DAB1: variants seen among roughly 807,000 people sequenced by gnomAD.
The protein encoded by DAB1 is DAB adaptor protein 1.
A neutral mutation model predicts 64.6 loss-of-function variants in DAB1; 15 were observed. The observed-to-expected ratio is 0.23, with a 90% CI of 0.16 to 0.36. The LOEUF (loss-of-function observed/expected upper bound fraction) is 0.36. Ranked by LOEUF, DAB1 falls within the 10% of genes least tolerant of loss-of-function variation. The probability of loss-of-function intolerance (pLI) is 1.00; values close to 1 mark genes in which losing one functional copy is unlikely to be tolerated. For synonymous variants in DAB1, 235 were observed against 251.9 expected (o/e 0.93, Z 0.64); for missense variants, 596 against 706.7 (o/e 0.84, Z 1.78).
At chr1:57,330,605 G>T (rs1676578804) in intron 1 of DAB1, among the ~76,000 whole-genome samples, 1 of 152,170 alleles carries the variant, frequency 6.6e-6, no homozygotes, top group South Asian at 2.1e-4. Context: ...TAAAATTTAG[G>T]ATTCTTGCAT....
chr1:57,065,635 C>T (rs1650830340), intron 8 of DAB1, among the ~76,000 whole-genome samples: 1 of 152,200 alleles, frequency 6.6e-6, no homozygotes, highest in African/African-American at 2.4e-5. Context: ...GGTCCTGGCT[C>T]TCATCTCTGC....
At chr1:57,560,017 C>T (rs552809686) in intron 7 of DAB1, among the ~76,000 whole-genome samples, 1 of 152,342 alleles carries the variant, frequency 6.6e-6, no homozygotes, top group Non-Finnish European at 1.5e-5. Context: ...CAAGTGATGA[C>T]TCCAATTGCA....
rs563334919 is a variant in DAB1 at position 57,795,549 on chromosome 1, C to CATCTTCATT, written n.551+88441_551+88449dup. 4.7e-3 allele frequency among the ~76,000 whole-genome samples: 713 copies of CATCTTCATT among 151,606 alleles called. 9 individuals are homozygous for CATCTTCATT. Among genetic ancestry groups the CATCTTCATT allele is most frequent in the African/African-American group, 0.017 (687 of 41,376 alleles). ...AGTGTAATTATTATACATTTTTCTACATCTTCATTTGTAGGATTCAGAGTA... is the reference window on the plus strand; with the variant it reads ...AGTGTAATTATTATACATTTTTCTACATCTTCATTATCTTCATTTGTAGGATTCAGAGTA... On this transcript the variant is annotated intron_variant and non_coding_transcript_variant, in intron 6 of 20. Transcript: ENST00000485760.
chr1:58,379,760 G>A (rs898782071), intron 3 of DAB1, among the ~76,000 whole-genome samples: 1 of 152,160 alleles, frequency 6.6e-6, no homozygotes, highest in African/African-American at 2.4e-5. Flanking sequence ...AAGTCAAGCT[G>A]GGATGAGTAC....
At position 57,357,733 on chromosome 1, in the gene DAB1, C is replaced by T. The variant is rs1278188773; in HGVS notation, c.-137+66197G>A. On this transcript the variant is annotated intron_variant, in intron 1 of 14. Transcript: ENST00000371236. ...CAATCATGGTGAAAGAGGAAGCAAA[C>T]ACATCCTTCTCACGTGGCGGCAGGA... is the stretch of plus-strand genomic sequence containing the variant. Among the ~76,000 whole-genome samples the T allele has an allele frequency of 2.6e-5, 4 of 151,898 alleles. No homozygotes were observed. The South Asian group carries it at 6.2e-4, about 24-fold the overall frequency.
At chr1:57,318,116 C>T (rs1358860805) in intron 1 of DAB1, among the ~76,000 whole-genome samples, 2 of 147,578 alleles carry the variant, frequency 1.4e-5, no homozygotes, top group Non-Finnish European at 3.0e-5. Flanking sequence ...CTCACTTTGT[C>T]TCCAGCAAGA....
chr1:57,221,443 C>CA (rs386367039), intron 2 of DAB1, among the ~76,000 whole-genome samples: 24,616 of 127,526 alleles, frequency 0.19, 3,185 homozygotes, highest in African/African-American at 0.4. Flanking sequence ...TGTGGCATTA[C>CA]AAAAAAAAAA....
At chr1:57,379,714 G>T (rs1210361254) in intron 1 of DAB1, among the ~76,000 whole-genome samples, 1 of 152,112 alleles carries the variant, frequency 6.6e-6, no homozygotes, top group African/African-American at 2.4e-5. Context: ...GCAAACAAGG[G>T]CAGATTCAGT....
At chr1:58,083,141 T>C (rs1650100655) in intron 5 of DAB1, among the ~76,000 whole-genome samples, 1 of 152,132 alleles carries the variant, frequency 6.6e-6, no homozygotes, top group Admixed American at 6.5e-5. Flanking sequence ...GTGAGAGGTA[T>C]TTATGGTGAA....
At chr1:58,118,503 T>TATATATATACATACAC (rs1341446315) in intron 5 of DAB1, among the ~76,000 whole-genome samples, 2 of 53,126 alleles carry the variant, frequency 3.8e-5, no homozygotes, top group Non-Finnish European at 5.8e-5. Flanking sequence ...TATATATATA[T>TATATATATACATACAC]ACACACACAC....
At chr1:57,546,628 C>T (rs1031161437) in intron 7 of DAB1, among the ~76,000 whole-genome samples, 1 of 152,114 alleles carries the variant, frequency 6.6e-6, no homozygotes, top group Non-Finnish European at 1.5e-5. Context: ...GTATTATCAC[C>T]ATATGGGCCT....
intron 6 of DAB1, among the ~76,000 whole-genome samples, chr1:57,730,632 G>T (rs889026593): frequency 6.6e-6 from 1 of 152,178 alleles, no homozygotes; most frequent in Non-Finnish European, 1.5e-5. Context: ...GTGGAACTTT[G>T]AATATTGATC....
intron 9 of DAB1, among the ~76,000 whole-genome samples, chr1:57,050,460 C>G (rs1016533280): frequency 1.3e-5 from 2 of 152,212 alleles, no homozygotes; most frequent in African/African-American, 4.8e-5. Flanking sequence ...TGGAGGCACC[C>G]TATGGTCCTG....
intron 1 of DAB1, among the ~76,000 whole-genome samples, chr1:57,872,357 T>C (rs777111085): frequency 2.0e-5 from 3 of 152,114 alleles, no homozygotes; most frequent in Non-Finnish European, 4.4e-5. Flanking sequence ...CCTCATCCCT[T>C]CTCCCACGTG....
At chr1:57,559,697 A>G (rs1645029618) in intron 7 of DAB1, among the ~76,000 whole-genome samples, 1 of 152,144 alleles carries the variant, frequency 6.6e-6, no homozygotes, top group African/African-American at 2.4e-5. Flanking sequence ...CAGGGCCAGA[A>G]TGCGTAATTG....
At chr1:57,098,275 T>A (rs1427131313) in intron 4 of DAB1, among the ~76,000 whole-genome samples, 1 of 152,168 alleles carries the variant, frequency 6.6e-6, no homozygotes, top group African/African-American at 2.4e-5. Flanking sequence ...TAGTTGGCCT[T>A]TTATTTATAT....
chr1:57,512,013 C>T (rs951257550), intron 7 of DAB1, among the ~76,000 whole-genome samples: 2 of 152,188 alleles, frequency 1.3e-5, no homozygotes, highest in African/African-American at 4.8e-5. Flanking sequence ...TCATCTATCT[C>T]ACCATATACA....
At chr1:57,612,293 A>G (rs1645737693) in intron 7 of DAB1, among the ~76,000 whole-genome samples, 1 of 152,040 alleles carries the variant, frequency 6.6e-6, no homozygotes, top group South Asian at 2.1e-4. Flanking sequence ...TAATGGTCTC[A>G]AAGATGTCCA....
chr1:58,243,332 G>GAAA (rs61018521), intron 4 of DAB1, among the ~76,000 whole-genome samples: 2 of 151,140 alleles, frequency 1.3e-5, no homozygotes, highest in African/African-American at 4.9e-5. Flanking sequence ...GCTCATTTCA[G>GAAA]AAAAAAAAAT....
Sources: gnomAD v4.1 joint callset for allele counts (sites outside exome capture counted in the v4.1 genomes callset) on GRCh38, gnomAD v4.1.1 for gene constraint, MANE v1.5 for transcripts, NCBI Gene and HGNC (gene_info 2026-07-23, HGNC 2026-07-21) for gene names.